Variants in PTPRD observed in about 807,000 individuals in gnomAD.
PTPRD encodes the protein protein tyrosine phosphatase receptor type D, also known as receptor-type tyrosine-protein phosphatase delta.
Under a neutral mutation model 214.5 loss-of-function variants are expected in PTPRD, and 34 were observed. The ratio of observed to expected loss-of-function variants is 0.16; its 90% CI spans 0.12 to 0.21. The LOEUF (loss-of-function observed/expected upper bound fraction) is 0.21. Ranked by LOEUF, PTPRD falls within the 10% of genes least tolerant of loss-of-function variation. The probability of loss-of-function intolerance (pLI) is 1.00; values close to 1 mark genes in which losing one functional copy is unlikely to be tolerated. For synonymous variants in PTPRD, 1,128 were observed against 845.7 expected (o/e 1.33, Z -5.79); for missense variants, 2,545 against 2,398.7 (o/e 1.06, Z -1.27).
At position 9,464,598 on chromosome 9, in the gene PTPRD, G is replaced by A. The variant is rs114695610; in HGVS notation, c.-236-67116C>T. 3.6e-3 allele frequency among the ~76,000 whole-genome samples: 549 copies of A among 152,180 alleles called. 4 individuals are homozygous for A. The highest frequency in any genetic ancestry group is 0.013 in the African/African-American group (523 of 41,536). ...ATTGCTTGAATTTATGAAAGTTTCT[G>A]TTATTCCTGCTTGGTTTAGTTCTTA... is the stretch of plus-strand genomic sequence containing the variant. On this transcript the variant is annotated intron_variant, in intron 8 of 45. Transcript: ENST00000381196.
chr9:9,747,787 A>C (rs1002614034), intron 6 of PTPRD, among the ~76,000 whole-genome samples: 5 of 152,122 alleles, frequency 3.3e-5, no homozygotes, highest in African/African-American at 1.2e-4. Context: ...TACTGACCTC[A>C]GGTGATCTAC....
At chr9:9,765,839 T>A (rs908722432) in intron 6 of PTPRD, among the ~76,000 whole-genome samples, 5 of 151,938 alleles carry the variant, frequency 3.3e-5, no homozygotes, top group Non-Finnish European at 7.4e-5. Context: ...TTTTTTTTTA[T>A]TTTTAGTAGA....
At chr9:10,115,989 A>G (rs999885291) in intron 3 of PTPRD, among the ~76,000 whole-genome samples, 5 of 152,130 alleles carry the variant, frequency 3.3e-5, no homozygotes, top group African/African-American at 4.8e-5. Flanking sequence ...GAAAAAAAGG[A>G]GAGATGAATG....
chr9:8,950,707 T>C (rs2099096937), intron 11 of PTPRD, among the ~76,000 whole-genome samples: 1 of 102,910 alleles, frequency 9.7e-6, no homozygotes, highest in Admixed American at 8.8e-5. Flanking sequence ...TATGTTTTTC[T>C]TTTTTTTTTT....
chr9:8,758,903 T>A (rs2154474070), intron 11 of PTPRD, among the ~76,000 whole-genome samples: 1 of 152,248 alleles, frequency 6.6e-6, no homozygotes, highest in East Asian at 1.9e-4. Context: ...GCCAGGATGG[T>A]CTCGATCTCC....
At chr9:9,209,147 T>C (rs948132537) in intron 9 of PTPRD, among the ~76,000 whole-genome samples, 9 of 152,016 alleles carry the variant, frequency 5.9e-5, no homozygotes, top group South Asian at 2.1e-4. Flanking sequence ...CCACCAATGA[T>C]GTAGTTTCAA....
chr9:9,727,061 C>G (rs377378505), intron 7 of PTPRD, among the ~76,000 whole-genome samples: 3 of 152,092 alleles, frequency 2.0e-5, no homozygotes, highest in South Asian at 4.1e-4. Flanking sequence ...GGACAGGAGG[C>G]AAGAAATCAT....
At chr9:8,448,077 C>A (rs1468079589) in intron 34 of PTPRD, among the ~76,000 whole-genome samples, 1 of 152,004 alleles carries the variant, frequency 6.6e-6, no homozygotes, top group Non-Finnish European at 1.5e-5. Context: ...GTAATCCCAG[C>A]CCTTTGGGAG....
chr9:8,511,766 CCT>C (rs2097687465), intron 21 of PTPRD, among the ~76,000 whole-genome samples: 1 of 151,896 alleles, frequency 6.6e-6, no homozygotes. Context: ...GTATGTCCGC[CCT>C]CTTGATTACT....
intron 11 of PTPRD, among the ~76,000 whole-genome samples, chr9:8,864,526 T>G (rs1436050250): frequency 6.6e-6 from 1 of 152,216 alleles, no homozygotes; most frequent in Non-Finnish European, 1.5e-5. Flanking sequence ...TCTTACATTT[T>G]TAGAAAGAAA....
chr9:8,320,338 A>G (rs1181992657), intron 44 of PTPRD, among the ~76,000 whole-genome samples: 2 of 152,126 alleles, frequency 1.3e-5, no homozygotes, highest in Non-Finnish European at 2.9e-5. Flanking sequence ...AAAGTATGAA[A>G]TAATTCAGAA....
Position 9,934,459 on chromosome 9 carries a change from T to G in PTPRD, c.-368+4048A>C, listed in dbSNP as rs541912026. Reference sequence around the variant, plus strand: ...AATACTACAAACGCCTCTATGCAAATAAACTAGAAAATCTAGAAGAAATGG... The same window carrying G: ...AATACTACAAACGCCTCTATGCAAAGAAACTAGAAAATCTAGAAGAAATGG... On this transcript the variant is annotated intron_variant, in intron 5 of 45. Coordinates refer to ENST00000381196, the MANE Select transcript of PTPRD (RefSeq NM_002839.4). Among the ~76,000 whole-genome samples the G allele has an allele frequency of 4.4e-3, 610 of 139,192 alleles. 22 individuals are homozygous for G. The highest frequency in any genetic ancestry group is 0.011 in the Middle Eastern group (3 of 264). 91.3% of individuals were successfully genotyped at this position (139,192 alleles called of 152,430 possible). A position where few individuals can be genotyped will look rare whatever the true frequency, so the allele number is the denominator to read the frequency against.
At chr9:9,263,200 A>C (rs1233284425) in intron 9 of PTPRD, among the ~76,000 whole-genome samples, 1 of 151,686 alleles carries the variant, frequency 6.6e-6, no homozygotes, top group Non-Finnish European at 1.5e-5. Context: ...CAAATTTATT[A>C]TTATTAGGAT....
At chr9:10,468,956 G>C (rs927066034) in intron 2 of PTPRD, among the ~76,000 whole-genome samples, 2 of 152,080 alleles carry the variant, frequency 1.3e-5, no homozygotes, top group Non-Finnish European at 1.5e-5. Flanking sequence ...AATGGATGTA[G>C]AAGTAAGTGA....
chr9:8,524,881 T>C (rs200408998), intron 18 of PTPRD, 44 bp downstream of exon 18: 49 of 1,546,674 alleles, frequency 3.2e-5, no homozygotes, highest in Non-Finnish European at 4.3e-5. Flanking sequence ...CAACTCCCCC[T>C]GAGCCTGAAT....
intron 9 of PTPRD, among the ~76,000 whole-genome samples, chr9:9,377,483 T>C (rs1267914314): frequency 6.6e-6 from 1 of 152,168 alleles, no homozygotes; most frequent in South Asian, 2.1e-4. Flanking sequence ...GTCCTTTATA[T>C]ACATCATCTC....
intron 10 of PTPRD, chr9:9,091,071 C>T (rs988730027): frequency 9.4e-6 from 14 of 1,487,920 alleles, no homozygotes; most frequent in Admixed American, 1.7e-5. Flanking sequence ...AAGCGAGCGT[C>T]TTCGATGCCT....
In PTPRD at chr9:9,939,260, A is replaced by G. The variant is rs2090657585; in HGVS notation, c.-471-650T>C. ...GGCTCCTGTATGAATGGAATGTGCCAGGTAGGGTCTTGTACTGCACACAAA... is the reference window on the plus strand; with the variant it reads ...GGCTCCTGTATGAATGGAATGTGCCGGGTAGGGTCTTGTACTGCACACAAA... On this transcript the variant is annotated intron_variant, in intron 4 of 45. Transcript: ENST00000381196. Among the ~76,000 whole-genome samples, 3 of 152,308 alleles carry G rather than the reference A, an allele frequency of 2.0e-5. No individual in the cohort carries two copies. In the South Asian group the frequency reaches 6.2e-4, roughly 32 times the overall value.
At chr9:8,760,214 T>A (rs1001521141) in intron 11 of PTPRD, among the ~76,000 whole-genome samples, 1 of 152,190 alleles carries the variant, frequency 6.6e-6, no homozygotes, top group Admixed American at 6.5e-5. Flanking sequence ...GCCTAACACC[T>A]TTTTAAAGGA....
Sources: allele counts gnomAD v4.1 joint callset (sites outside exome capture counted in the v4.1 genomes callset), GRCh38; gene constraint gnomAD v4.1.1; transcripts MANE v1.5; gene names NCBI Gene and HGNC (gene_info 2026-07-23, HGNC 2026-07-21).